ALDH2: variants seen among roughly 807,000 people sequenced by gnomAD.
ALDH2 encodes the protein aldehyde dehydrogenase 2 family member, also known as aldehyde dehydrogenase, mitochondrial.
In ALDH2, 44 loss-of-function variants were observed where a neutral mutation model predicts 59.6. That is an observed-to-expected ratio of 0.74 (90% confidence interval 0.58 to 0.95). The LOEUF is 0.95. Ranked by LOEUF, ALDH2 falls within the 40% of genes least tolerant of loss-of-function variation. The pLI is 0.00. For missense variants in ALDH2, 570 were observed against 696.3 expected (o/e 0.82, Z 2.04); for synonymous variants, 291 against 284.0 (o/e 1.02, Z -0.25).
chr12:111,791,891 G>A (rs1232243839), intron 7 of ALDH2, among the ~76,000 whole-genome samples, 170 bp from the exon 8 acceptor site: 2 of 152,082 alleles, frequency 1.3e-5, no homozygotes, highest in Non-Finnish European at 2.9e-5. Context: ...GACAGAGCGA[G>A]ACCCTGTCCA....
At chr12:111,778,582 C>T (rs2068249908) in intron 1 of ALDH2, among the ~76,000 whole-genome samples, 1 of 150,966 alleles carries the variant, frequency 6.6e-6, no homozygotes, top group Admixed American at 6.6e-5. Context: ...ACCTGTAATC[C>T]CAGCACTTTG....
At position 111,816,130 on chromosome 12, in the gene ALDH2, A is replaced by G. The variant is rs1003793307; in HGVS notation, c.*6555A>G. The G allele has an allele frequency of 2.6e-5, 4 of 152,170 alleles. No individual in the cohort carries two copies. Among genetic ancestry groups the G allele is most frequent in the African/African-American group, 9.7e-5 (4 of 41,414 alleles). 9.4% of individuals were successfully genotyped at this position (152,170 alleles called of 1,614,324 possible). A position where few individuals can be genotyped will look rare whatever the true frequency, so the allele number is the denominator to read the frequency against. Reference sequence around the variant, plus strand: ...CTTGGTGTCCTCCCCCATGGTAATGAGTTCACTCAAGAGCTGGTTGTTTAA... The same window carrying G: ...CTTGGTGTCCTCCCCCATGGTAATGGGTTCACTCAAGAGCTGGTTGTTTAA... On this transcript the variant is annotated 3_prime_UTR_variant, in exon 13 of 13. Transcript: ENST00000261733.
intron 8 of ALDH2, 51 bp downstream of exon 8, chr12:111,792,214 T>TTCAA: frequency 7.2e-7 from 1 of 1,391,302 alleles, no homozygotes; most frequent in Non-Finnish European, 1.0e-6. Flanking sequence ...CCTGGCCACC[T>TTCAA]GTGTTGTGGC....
Position 111,789,993 on chromosome 12 carries a change from A to G in ALDH2, c.552+59A>G, listed in dbSNP as rs77384237. ...GCCCTGAGATTTGGCAGTCTGCCAG[A>G]CTCATTGCAGAGGTTCTGGGGTGGT... is the stretch of plus-strand genomic sequence containing the variant. On this transcript the variant is annotated intron_variant, in intron 5 of 12. Transcript: ENST00000261733. 4,576 of 1,532,128 alleles carry G rather than the reference A, an allele frequency of 3.0e-3. 116 individuals carry two copies. The African/African-American group carries it at 0.054, about 18-fold the overall frequency. The allele number at this position is 1,532,128 out of a possible 1,614,324, so 94.9% of individuals were successfully genotyped here. A position where few individuals can be genotyped will look rare whatever the true frequency, so the allele number is the denominator to read the frequency against.
chr12:111,778,222 T>C (rs955545575), intron 1 of ALDH2, among the ~76,000 whole-genome samples: 13 of 152,096 alleles, frequency 8.5e-5, no homozygotes, highest in Admixed American at 6.6e-4. Flanking sequence ...GTGAGGTGCT[T>C]GTCCCATGTG....
intron 6 of ALDH2, among the ~76,000 whole-genome samples, chr12:111,790,939 C>G (rs957725907): frequency 1.3e-5 from 2 of 152,104 alleles, no homozygotes; most frequent in South Asian, 4.1e-4. Flanking sequence ...GTCCCAACTA[C>G]TTGGGAGGTT....
At chr12:111,800,271 G>T (rs1384863463) in intron 11 of ALDH2, among the ~76,000 whole-genome samples, 1 of 152,194 alleles carries the variant, frequency 6.6e-6, no homozygotes, top group Non-Finnish European at 1.5e-5. Context: ...ACCTGAACTT[G>T]GCAGGCAGCG....
At chr12:111,785,411 G>A in intron 4 of ALDH2, 65 bp downstream of exon 4, 12 of 1,431,446 alleles carry the variant, frequency 8.4e-6, no homozygotes, top group Non-Finnish European at 1.2e-5. Context: ...GTTGTTAGGA[G>A]GTAAAAATTA....
At chr12:111,780,898 G>A (rs951407175) in intron 1 of ALDH2, among the ~76,000 whole-genome samples, 1 of 152,026 alleles carries the variant, frequency 6.6e-6, no homozygotes, top group African/African-American at 2.4e-5. Context: ...TGAGGAGGGA[G>A]TATCGCTTGA....
intron 1 of ALDH2, chr12:111,775,472 AG>A (rs1735300138): frequency 2.8e-6 from 1 of 357,426 alleles, no homozygotes; most frequent in African/African-American, 2.2e-5. Flanking sequence ...TGGAGTGGCC[AG>A]GGCTGTCAGT....
chr12:111,783,092 G>A (rs573516739), intron 2 of ALDH2, 66 bp from the exon 3 acceptor site: 8 of 1,556,424 alleles, frequency 5.1e-6, no homozygotes, highest in Middle Eastern at 1.7e-4. Flanking sequence ...GTTTGTATTC[G>A]GACCTGGTTA....
intron 4 of ALDH2, among the ~76,000 whole-genome samples, chr12:111,788,199 A>T (rs1014313843): frequency 1.1e-4 from 16 of 152,098 alleles, no homozygotes; most frequent in Non-Finnish European, 1.8e-4. Context: ...GACAAGAGCG[A>T]GACTTCGTCT....
At chr12:111,785,601 G>T (rs2068303576) in intron 4 of ALDH2, among the ~76,000 whole-genome samples, 1 of 152,068 alleles carries the variant, frequency 6.6e-6, no homozygotes, top group Non-Finnish European at 1.5e-5. Flanking sequence ...GCGCACACCT[G>T]TAATACCAGC....
rs2068546235 is a variant in ALDH2 at position 111,813,070 on chromosome 12, C to G, written c.*3495C>G. 1 of 152,206 alleles carries G rather than the reference C, an allele frequency of 6.6e-6. No homozygotes were observed. Among genetic ancestry groups the G allele is most frequent in the African/African-American group, 2.4e-5 (1 of 41,454 alleles). The allele number at this position is 152,206 out of a possible 1,614,324, so 9.4% of individuals were successfully genotyped here. A position where few individuals can be genotyped will look rare whatever the true frequency, so the allele number is the denominator to read the frequency against. On this transcript the variant is annotated 3_prime_UTR_variant, in exon 13 of 13. Coordinates refer to ENST00000261733, the MANE Select transcript of ALDH2 (RefSeq NM_000690.4). Reference sequence around the variant, plus strand: ...ATCAAGTTGATTTTGACAACCTAGACACATTAATCTCCTTGCACTTTTAGT... The same window carrying G: ...ATCAAGTTGATTTTGACAACCTAGAGACATTAATCTCCTTGCACTTTTAGT...
In ALDH2 at chr12:111,803,844, C is replaced by T. The variant is rs367711233; in HGVS notation, c.1407-15C>T. 2.3e-4 allele frequency: 370 copies of T among 1,585,262 alleles called. No individual in the cohort carries two copies. The highest frequency in any genetic ancestry group is 2.9e-4 in the Non-Finnish European group (341 of 1,159,664). On this transcript the variant is annotated splice_polypyrimidine_tract_variant and intron_variant, in intron 11 of 12. Transcript: ENST00000261733. ...CCCCCAAGAGTGATTTCTGCAATCTCGTTTCAAATTACAGGGTCAACTGCT... is the reference window on the plus strand; with the variant it reads ...CCCCCAAGAGTGATTTCTGCAATCTTGTTTCAAATTACAGGGTCAACTGCT...
chr12:111,799,220 A>G (rs1367811074), intron 10 of ALDH2, among the ~76,000 whole-genome samples: 1 of 149,890 alleles, frequency 6.7e-6, no homozygotes, highest in African/African-American at 2.4e-5. Context: ...GCTGGAGTGC[A>G]GTGGTGCAAT....
intron 11 of ALDH2, among the ~76,000 whole-genome samples, chr12:111,802,612 G>T (rs1048387675): frequency 6.6e-6 from 1 of 151,454 alleles, no homozygotes; most frequent in Non-Finnish European, 1.5e-5. Flanking sequence ...AGGGCGCTGT[G>T]GTTCACACCT....
chr12:111,792,808 T>G (rs918283705), intron 9 of ALDH2, 26 bp downstream of exon 9: 12 of 1,538,316 alleles, frequency 7.8e-6, no homozygotes, highest in African/African-American at 1.4e-5. Flanking sequence ...CCGCAGGGTC[T>G]GGGTGTCTAG....
At chr12:111,790,294 C>T (rs1031032508) in intron 5 of ALDH2, 140 bp from the exon 6 acceptor site, 46 of 1,076,902 alleles carry the variant, frequency 4.3e-5, no homozygotes, top group Admixed American at 1.1e-4. Context: ...CTTAAAACCA[C>T]GATGGATGGA....
Sources: allele counts gnomAD v4.1 joint callset (sites outside exome capture counted in the v4.1 genomes callset), GRCh38; gene constraint gnomAD v4.1.1; transcripts MANE v1.5; gene names NCBI Gene and HGNC (gene_info 2026-07-23, HGNC 2026-07-21).